The following SERPINI1 variants were observed in gnomAD, a reference collection of about 807,000 sequenced individuals.
SERPINI1 encodes the protein serpin family I member 1.
SERPINI1 carries 19 observed loss-of-function variants against 41.1 expected under a neutral mutation model. The observed-to-expected ratio is 0.46, with a 90% confidence interval of 0.32 to 0.68. The LOEUF is 0.68. Ranked by LOEUF, SERPINI1 falls within the 30% of genes least tolerant of loss-of-function variation. The probability of loss-of-function intolerance (pLI) is 0.03; values close to 1 mark genes in which losing one functional copy is unlikely to be tolerated. For missense variants in SERPINI1, 460 were observed against 479.2 expected, an observed-to-expected ratio of 0.96 and a Z score of 0.37; for synonymous variants, 138 against 156.6, an observed-to-expected ratio of 0.88 and a Z score of 0.89.
chr3:167,822,924 A>T, intron 6 of SERPINI1, 62 bp from the exon 7 acceptor site: 1 of 930,810 alleles, frequency 1.1e-6, no homozygotes, highest in Non-Finnish European at 1.8e-6. Context: ...CATTTAACAA[A>T]AGGGCAAAAT....
chr3:167,772,333 G>T (rs574920613), intron 1 of SERPINI1, among the ~76,000 whole-genome samples: 1 of 151,996 alleles, frequency 6.6e-6, no homozygotes, highest in Non-Finnish European at 1.5e-5. Flanking sequence ...CAATTCTCTA[G>T]ATCTTTTACC....
chr3:167,788,001 A>G (rs1727370665), intron 1 of SERPINI1, among the ~76,000 whole-genome samples: 1 of 152,202 alleles, frequency 6.6e-6, no homozygotes. Flanking sequence ...TTAAAATACA[A>G]TTTTCCAAAT....
At chr3:167,759,442 G>T (rs1726306274) in intron 1 of SERPINI1, among the ~76,000 whole-genome samples, 1 of 121,842 alleles carries the variant, frequency 8.2e-6, no homozygotes, top group Non-Finnish European at 1.8e-5. Flanking sequence ...GTACTATGCA[G>T]CCATAAAAAA....
rs139808176 is a variant in SERPINI1 at position 167,789,346 on chromosome 3, G to T, written c.218G>T (p.Arg73Leu). 6.8e-6 allele frequency: 11 copies of T among 1,613,986 alleles called. No homozygotes were observed. Among genetic ancestry groups the T allele is most frequent in the South Asian group, 1.1e-5 (1 of 91,088 alleles). ...GAQGSTQKEIRHSMGYDSLKN... is the reference protein window; with the variant it reads ...GAQGSTQKEILHSMGYDSLKN... Reference sequence around the variant, plus strand: ...CAAGGATCTACCCAGAAAGAAATCCGCCACTCAATGGGATATGACAGCCTA... The same window carrying T: ...CAAGGATCTACCCAGAAAGAAATCCTCCACTCAATGGGATATGACAGCCTA... Residue 73 changes from arginine (R) to leucine (L), a missense_variant, in exon 2 of 9, where the codon CGC becomes CTC. By Grantham distance (102) the Arg-to-Leu change is moderately radical. Transcript: ENST00000446050.
chr3:167,823,014 A>G lies in SERPINI1; in HGVS notation c.1008A>G (p.Ala336=), dbSNP rs1330766416. 8 of 1,610,420 alleles carry G rather than the reference A, an allele frequency of 5.0e-6. No individual in the cohort carries two copies. The African/African-American group carries it at 6.7e-5, about 13-fold the overall frequency. ...ATAAGGAGATTTTTCTTTCCAAAGC[A>G]ATTCACAAGTCCTTCCTAGAGGTTA... ...SDNKEIFLSK[A]IHKSFLEVNE... is the part of the protein sequence containing the mutation. Residue 336 remains alanine, a synonymous_variant, in exon 7 of 9, where the codon GCA becomes GCG. Transcript: ENST00000446050.
intron 1 of SERPINI1, among the ~76,000 whole-genome samples, chr3:167,756,650 C>A (rs907579190): frequency 1.1e-4 from 17 of 152,122 alleles, no homozygotes; most frequent in Non-Finnish European, 2.2e-4. Context: ...ATAAACATGT[C>A]TAGCCATTAG....
chr3:167,776,452 T>C (rs1458953284), intron 1 of SERPINI1, among the ~76,000 whole-genome samples: 2 of 152,320 alleles, frequency 1.3e-5, no homozygotes, highest in Non-Finnish European at 2.9e-5. Flanking sequence ...CCAAAAGCCT[T>C]TCGAATTCCA....
At chr3:167,814,943 CA>C (rs1163303597) in intron 6 of SERPINI1, among the ~76,000 whole-genome samples, 2 of 152,124 alleles carry the variant, frequency 1.3e-5, no homozygotes, top group Admixed American at 6.6e-5. Flanking sequence ...GATTTAAAAA[CA>C]AAAAACTATT....
At chr3:167,765,487 G>T (rs750167752) in intron 1 of SERPINI1, among the ~76,000 whole-genome samples, 1 of 152,208 alleles carries the variant, frequency 6.6e-6, no homozygotes, top group Non-Finnish European at 1.5e-5. Context: ...ACAGCACGGG[G>T]TTCCTGGGCC....
At position 167,821,648 on chromosome 3, in the gene SERPINI1, G is replaced by T. The variant is rs567835282; in HGVS notation, c.980-1338G>T. Among the ~76,000 whole-genome samples the T allele has an allele frequency of 7.4e-4, 113 of 152,330 alleles. 1 individual carries two copies. Among genetic ancestry groups the T allele is most frequent in the Non-Finnish European group, 1.2e-3 (83 of 68,022 alleles). ...AGCCAAGTGCAGCCTGCCAGGCCGA[G>T]TGGGCACAATGAACCCAGCAGGCCT... On this transcript the variant is annotated intron_variant, in intron 6 of 8. Transcript: ENST00000446050.
intron 3 of SERPINI1, among the ~76,000 whole-genome samples, chr3:167,790,827 G>T (rs1199147360): frequency 1.3e-5 from 2 of 152,138 alleles, no homozygotes; most frequent in Middle Eastern, 3.2e-3. Context: ...ATTTGGCAGT[G>T]ATAATCTGAA....
chr3:167,812,690 A>T (rs938028193), intron 6 of SERPINI1, among the ~76,000 whole-genome samples: 1 of 152,224 alleles, frequency 6.6e-6, no homozygotes, highest in Non-Finnish European at 1.5e-5. Context: ...GACCTACTGA[A>T]TGAAGAAATG....
At chr3:167,787,103 G>T (rs903410264) in intron 1 of SERPINI1, among the ~76,000 whole-genome samples, 5 of 149,708 alleles carry the variant, frequency 3.3e-5, no homozygotes, top group African/African-American at 1.2e-4. Flanking sequence ...ACACATATTC[G>T]CCCAGGCCTG....
At chr3:167,764,995 CCTGTGACT>C (rs1057142287) in intron 1 of SERPINI1, among the ~76,000 whole-genome samples, 9 of 152,198 alleles carry the variant, frequency 5.9e-5, no homozygotes, top group African/African-American at 1.9e-4. Flanking sequence ...CAGCTCCACC[CCTGTGACT>C]TTGCAGGGTA....
intron 1 of SERPINI1, among the ~76,000 whole-genome samples, chr3:167,757,795 T>A (rs1474096475): frequency 6.6e-6 from 1 of 152,098 alleles, no homozygotes; most frequent in Non-Finnish European, 1.5e-5. Context: ...GGCCTGCGCC[T>A]GTAATCCCAG....
intron 1 of SERPINI1, among the ~76,000 whole-genome samples, chr3:167,773,796 G>A (rs1465017950): frequency 6.6e-6 from 1 of 152,090 alleles, no homozygotes; most frequent in Non-Finnish European, 1.5e-5. Flanking sequence ...GTTTATGGGA[G>A]CTTTAAAAAA....
At chr3:167,784,811 G>A (rs963186897) in intron 1 of SERPINI1, among the ~76,000 whole-genome samples, 13 of 152,100 alleles carry the variant, frequency 8.5e-5, no homozygotes, top group African/African-American at 2.2e-4. Context: ...TGAGATTTTC[G>A]CTGGGGACAT....
intron 3 of SERPINI1, among the ~76,000 whole-genome samples, chr3:167,791,037 A>G (rs1257417436): frequency 6.6e-6 from 1 of 152,188 alleles, no homozygotes; most frequent in African/African-American, 2.4e-5. Context: ...CTTCATTGGT[A>G]ATTTAAAACA....
At chr3:167,764,019 T>TAACAC (rs1192076739) in intron 1 of SERPINI1, among the ~76,000 whole-genome samples, 2 of 66,056 alleles carry the variant, frequency 3.0e-5, no homozygotes, top group African/African-American at 2.7e-4. Flanking sequence ...ATCTAAATCT[T>TAACAC]AACTCACTCC....
Sources: gnomAD v4.1 joint callset for allele counts (sites outside exome capture counted in the v4.1 genomes callset) on GRCh38, gnomAD v4.1.1 for gene constraint, MANE v1.5 for transcripts, NCBI Gene and HGNC (gene_info 2026-07-23, HGNC 2026-07-21) for gene names.